NFAT5: variants seen among roughly 807,000 people sequenced by gnomAD.
The protein encoded by NFAT5 is nuclear factor of activated T-cells 5.
NFAT5 carries 31 observed loss-of-function variants against 166.5 expected under a neutral mutation model. The ratio of observed to expected loss-of-function variants is 0.19; its 90% confidence interval spans 0.14 to 0.25. The LOEUF (loss-of-function observed/expected upper bound fraction) is 0.25, where lower values mean the gene tolerates loss of function less well. Ranked by LOEUF, NFAT5 falls within the 10% of genes least tolerant of loss-of-function variation. The pLI, the probability that NFAT5 is intolerant of heterozygous loss-of-function variation, is 1.00. For missense variants in NFAT5, 1,449 were observed against 1,821.8 expected (o/e 0.80, Z 3.72); for synonymous variants, 612 against 639.7 (o/e 0.96, Z 0.65).
intron 2 of NFAT5, among the ~76,000 whole-genome samples, chr16:69,591,677 A>G (rs200605008): frequency 6.6e-6 from 1 of 152,304 alleles, no homozygotes; most frequent in East Asian, 1.9e-4. Context: ...AGGATAAGTA[A>G]TTCTTTTTGG....
At chr16:69,611,178 T>C (rs1021659663) in intron 2 of NFAT5, among the ~76,000 whole-genome samples, 4 of 152,238 alleles carry the variant, frequency 2.6e-5, no homozygotes, top group African/African-American at 9.6e-5. Context: ...TTATTATGTA[T>C]GTTTACAAGG....
intron 7 of NFAT5, among the ~76,000 whole-genome samples, chr16:69,661,103 A>G (rs1351222849): frequency 1.2e-5 from 1 of 81,586 alleles, no homozygotes; most frequent in African/African-American, 5.0e-5. Context: ...TTTTTTTGTT[A>G]GATTGTGGCT....
At chr16:69,661,807 T>TA (rs2036158121) in intron 7 of NFAT5, among the ~76,000 whole-genome samples, 1 of 152,170 alleles carries the variant, frequency 6.6e-6, no homozygotes, top group South Asian at 2.1e-4. Context: ...ACAGTGTGCC[T>TA]AACTCTGAAA....
At chr16:69,604,750 C>T (rs1039512535) in intron 2 of NFAT5, among the ~76,000 whole-genome samples, 1 of 152,200 alleles carries the variant, frequency 6.6e-6, no homozygotes, top group Non-Finnish European at 1.5e-5. Context: ...ATGAGCCCAA[C>T]TTATGGCATC....
intron 6 of NFAT5, among the ~76,000 whole-genome samples, chr16:69,656,699 ACCTTGG>A (rs2035895829): frequency 6.6e-6 from 1 of 151,920 alleles, no homozygotes; most frequent in South Asian, 2.1e-4. Context: ...TAATCCACAC[ACCTTGG>A]CCTCCCAAAG....
chr16:69,686,788 G>A (rs935910621), intron 11 of NFAT5, among the ~76,000 whole-genome samples: 5 of 151,926 alleles, frequency 3.3e-5, no homozygotes, highest in Non-Finnish European at 7.4e-5. Flanking sequence ...GCTTGAACCC[G>A]GGAGGCGGGG....
At chr16:69,595,210 T>C (rs886707728) in intron 2 of NFAT5, among the ~76,000 whole-genome samples, 1 of 152,204 alleles carries the variant, frequency 6.6e-6, no homozygotes, top group Non-Finnish European at 1.5e-5. Context: ...CAACATACTA[T>C]AATAAAAGTT....
In NFAT5 at chr16:69,693,032, G is replaced by A. The variant is rs563419065; in HGVS notation, c.3207G>A (p.Glu1069=). 82 of 1,614,026 alleles carry A rather than the reference G, an allele frequency of 5.1e-5. 1 individual carries two copies. In the South Asian group the frequency reaches 8.8e-4, roughly 17 times the overall value. The change falls in exon 13 of 15, where the codon GAG becomes GAA. Residue 1069 remains glutamate (E), a synonymous_variant. Coordinates refer to ENST00000349945, the MANE Select transcript of NFAT5 (RefSeq NM_138713.4). Reference sequence around the variant, plus strand: ...ATGGTTTATTCCAGCAAGGGAATGAGATGATGTCACTTCAATCTGGAAATT... The same window carrying A: ...ATGGTTTATTCCAGCAAGGGAATGAAATGATGTCACTTCAATCTGGAAATT... ...QGNGLFQQGN[E]MMSLQSGNFL... is the part of the protein sequence containing the mutation.
chr16:69,609,831 A>G (rs1032846299), intron 2 of NFAT5, among the ~76,000 whole-genome samples: 90 of 151,556 alleles, frequency 5.9e-4, no homozygotes, highest in African/African-American at 2.0e-3. Context: ...AAAAAAAAAA[A>G]AAAAAAAAAA....
At chr16:69,636,296 T>C (rs1277264374) in intron 3 of NFAT5, among the ~76,000 whole-genome samples, 1 of 152,164 alleles carries the variant, frequency 6.6e-6, no homozygotes, top group African/African-American at 2.4e-5. Flanking sequence ...GCTGCTTTCA[T>C]GGGCTGGCAT....
In NFAT5 at chr16:69,691,217, A is replaced by G. The variant is rs79819749; in HGVS notation, c.1923+129A>G. On this transcript the variant is annotated intron_variant, in intron 12 of 14. Coordinates refer to ENST00000349945, the MANE Select transcript of NFAT5 (RefSeq NM_138713.4). ...TTTTGCTGTAAAGAGGGAATGCTTTATACTTCAGCAAAATTGCCCACATAG... is the reference window on the plus strand; with the variant it reads ...TTTTGCTGTAAAGAGGGAATGCTTTGTACTTCAGCAAAATTGCCCACATAG... 9,393 of 735,750 alleles carry G rather than the reference A, an allele frequency of 0.013. 701 individuals carry two copies. In the African/African-American group the frequency reaches 0.16, roughly 12 times the overall value. 45.6% of individuals were successfully genotyped at this position (735,750 alleles called of 1,614,324 possible).
chr16:69,566,172 G>T lies in NFAT5; in HGVS notation c.-130G>T, dbSNP rs888107707. 1.0e-5 allele frequency: 7 copies of T among 695,098 alleles called. No homozygotes were observed. The South Asian group carries it at 1.1e-4, about 11-fold the overall frequency. 43.1% of individuals were successfully genotyped at this position (695,098 alleles called of 1,614,324 possible). On this transcript the variant is annotated 5_prime_UTR_variant, in exon 1 of 15. Transcript: ENST00000349945. The surrounding 1 kb of genome is among the most constrained non-coding windows in gnomAD (Gnocchi z 5.7). The stretch of plus-strand genomic sequence containing the variant: ...CCCAGTGGAAGTCACTACCCTCGAG[G>T]AGGAGGCAGCGGCAGCCGCCCTCGC...
Position 69,693,299 on chromosome 16 carries a change from A to G in NFAT5, c.3474A>G (p.Ile1158Met). The change falls in exon 13 of 15, where the codon ATA (isoleucine) becomes ATG (methionine). Residue 1158 changes from isoleucine (I) to methionine (M), a missense_variant. Ile to Met is a conservative substitution (Grantham distance 10). Coordinates refer to ENST00000349945, the MANE Select transcript of NFAT5 (RefSeq NM_138713.4). ...SVPQDQQSTN[I>M]FLSQSPMNNL... ...CTCAAGACCAGCAGTCAACCAACAT[A>G]TTTCTTTCCCAGAGTCCCATGAATA... 5.0e-6 allele frequency: 8 copies of G among 1,614,146 alleles called. No homozygotes were observed. Among genetic ancestry groups the G allele is most frequent in the Non-Finnish European group, 6.8e-6 (8 of 1,180,034 alleles).
intron 2 of NFAT5, among the ~76,000 whole-genome samples, chr16:69,600,358 A>C (rs1002903160): frequency 2.0e-5 from 3 of 152,140 alleles, no homozygotes; most frequent in Admixed American, 6.5e-5. Context: ...TAGTTGGTTG[A>C]GTAATAAATG....
At chr16:69,646,499 C>T (rs939846649) in intron 3 of NFAT5, 7 of 1,173,034 alleles carry the variant, frequency 6.0e-6, no homozygotes, top group Non-Finnish European at 7.8e-6. Context: ...CATTTATTTT[C>T]TCATATTTTT....
intron 9 of NFAT5, among the ~76,000 whole-genome samples, chr16:69,675,381 T>C (rs1037129348): frequency 6.6e-6 from 1 of 152,320 alleles, no homozygotes; most frequent in East Asian, 1.9e-4. Flanking sequence ...TTCTGTGACA[T>C]AGTTGTAGTG....
chr16:69,646,713 T>C (rs907203894), intron 3 of NFAT5: 1 of 244,990 alleles, frequency 4.1e-6, no homozygotes, highest in Non-Finnish European at 7.5e-6. Context: ...TTACTTTAAA[T>C]GATTAAAATT....
chr16:69,627,717 A>G (rs1006598429), intron 3 of NFAT5, among the ~76,000 whole-genome samples: 1 of 152,200 alleles, frequency 6.6e-6, no homozygotes, highest in Non-Finnish European at 1.5e-5. Flanking sequence ...TTCACTGTTC[A>G]TGTGTTGCCA....
intron 2 of NFAT5, among the ~76,000 whole-genome samples, chr16:69,595,785 C>T (rs532824211): frequency 2.6e-5 from 4 of 152,282 alleles, no homozygotes; most frequent in South Asian, 4.1e-4. Context: ...CACTACTCTT[C>T]CACTTTGGGG....
Sources: gnomAD v4.1 joint callset for allele counts (sites outside exome capture counted in the v4.1 genomes callset) on GRCh38, gnomAD v4.1.1 for gene constraint, Gnocchi (gnomAD v3.1) non-coding constraint, MANE v1.5 for transcripts, NCBI Gene and HGNC (gene_info 2026-07-23, HGNC 2026-07-21) for gene names.